SHISA6: variants seen among roughly 807,000 people sequenced by gnomAD.
SHISA6 encodes the protein protein shisa-6.
In SHISA6, 22 loss-of-function variants were observed where a neutral mutation model predicts 47.9. The ratio of observed to expected loss-of-function variants is 0.46; its 90% CI spans 0.33 to 0.66. SHISA6 has a LOEUF of 0.66. Ranked by LOEUF, SHISA6 falls within the 30% of genes least tolerant of loss-of-function variation. The pLI is 0.02. For missense variants in SHISA6, 680 were observed against 764.6 expected (o/e 0.89, Z 1.30); for synonymous variants, 388 against 337.8 (o/e 1.15, Z -1.63).
At chr17:11,505,025 C>T (rs1179129408) in intron 3 of SHISA6, among the ~76,000 whole-genome samples, 2 of 152,224 alleles carry the variant, frequency 1.3e-5, no homozygotes, top group East Asian at 3.8e-4. Flanking sequence ...ACTTCCACAT[C>T]TCTTCTTTAA....
At chr17:11,538,847 CAT>C (rs1398545053) in intron 3 of SHISA6, among the ~76,000 whole-genome samples, 5 of 152,146 alleles carry the variant, frequency 3.3e-5, no homozygotes, top group Non-Finnish European at 7.4e-5. Flanking sequence ...ACCAGGTTAT[CAT>C]AGCAATTCTG....
intron 3 of SHISA6, among the ~76,000 whole-genome samples, chr17:11,461,791 C>T (rs1173731084): frequency 5.9e-5 from 9 of 152,058 alleles, no homozygotes; most frequent in African/African-American, 1.7e-4. Context: ...AGGTGGGGAG[C>T]TGTGGGCTCT....
At chr17:11,408,740 G>A (rs62062073) in intron 3 of SHISA6, among the ~76,000 whole-genome samples, 58,326 of 152,126 alleles carry the variant, frequency 0.38, 11,456 homozygotes, top group Middle Eastern at 0.46. Flanking sequence ...ATCAAGGCAG[G>A]TGGGATGTGG....
chr17:11,241,617 C>G lies in SHISA6; in HGVS notation c.195C>G (p.Pro65=). ...GRELNGTARA[P]GIPEAGSRRG... is the part of the protein sequence containing the mutation. ...AGCTGAACGGCACCGCCCGGGCGCC[C>G]GGAATCCCGGAGGCGGGAAGCCGGC... is the stretch of plus-strand genomic sequence containing the variant. Residue 65 remains proline (P), a synonymous_variant, in exon 1 of 6, where the codon CCC becomes CCG. Coordinates refer to ENST00000441885, the MANE Select transcript of SHISA6 (RefSeq NM_207386.4). This position sits in a 1 kb window ranked among gnomAD's most constrained non-coding sequence, Gnocchi z 5.5. 7.6e-7 allele frequency: 1 copy of G among 1,320,994 alleles called. No homozygotes were observed. Among genetic ancestry groups the G allele is most frequent in the South Asian group, 2.1e-5 (1 of 46,818 alleles). 81.8% of individuals were successfully genotyped at this position (1,320,994 alleles called of 1,614,324 possible).
chr17:11,261,906 G>T (rs1263174748), intron 1 of SHISA6, among the ~76,000 whole-genome samples: 2 of 152,190 alleles, frequency 1.3e-5, no homozygotes, highest in Admixed American at 1.3e-4. Context: ...GTTTACCAAA[G>T]GGATTGCAGG....
intron 2 of SHISA6, among the ~76,000 whole-genome samples, chr17:11,356,959 T>G (rs2142225719): frequency 6.6e-6 from 1 of 151,650 alleles, no homozygotes; most frequent in Non-Finnish European, 1.5e-5. Context: ...GATCATGAGG[T>G]CAGGAGTTTG....
intron 3 of SHISA6, among the ~76,000 whole-genome samples, chr17:11,528,106 T>A (rs76206712): frequency 0.058 from 8,769 of 152,286 alleles, 286 homozygotes; most frequent in Middle Eastern, 0.099. Context: ...TGGGGGTACT[T>A]TATAACTGCC....
At chr17:11,397,927 G>T (rs1337107829) in intron 3 of SHISA6, among the ~76,000 whole-genome samples, 2 of 151,710 alleles carry the variant, frequency 1.3e-5, no homozygotes, top group Non-Finnish European at 2.9e-5. Context: ...TCCTCATTTT[G>T]TCTTTTTCTT....
chr17:11,269,815 G>A (rs1205966368), intron 2 of SHISA6, among the ~76,000 whole-genome samples: 2 of 152,194 alleles, frequency 1.3e-5, no homozygotes, highest in East Asian at 1.9e-4. Context: ...GGTCACTTAA[G>A]TGGGAGGTGA....
intron 3 of SHISA6, among the ~76,000 whole-genome samples, chr17:11,382,073 T>TAGAG (rs112046629): frequency 0.032 from 4,873 of 150,240 alleles, 241 homozygotes; most frequent in African/African-American, 0.1. Flanking sequence ...TTCCGTTTTT[T>TAGAG]AGAGAGAGAG....
At chr17:11,455,193 C>CA (rs370108497) in intron 3 of SHISA6, among the ~76,000 whole-genome samples, 19 of 147,536 alleles carry the variant, frequency 1.3e-4, no homozygotes, top group South Asian at 2.1e-4. Flanking sequence ...AACAAACAAA[C>CA]AAAAAAAACA....
chr17:11,289,671 A>G (rs991213503), intron 2 of SHISA6: 2 of 151,692 alleles, frequency 1.3e-5, no homozygotes, highest in African/African-American at 4.8e-5. Context: ...CTCAGTTTGA[A>G]TTAATTTTGG....
rs148492754 is a variant in SHISA6 at position 11,349,365 on chromosome 17, T to G, written c.800-30049T>G. Among the ~76,000 whole-genome samples the G allele has an allele frequency of 2.7e-3, 407 of 152,310 alleles. 1 individual carries two copies. The highest frequency in any genetic ancestry group is 8.8e-3 in the African/African-American group (367 of 41,582). ...CTCAGACCTCTTAGGTTAACACCCCTCTCAGATTCTATGATTTCAGAGTTG... is the reference window on the plus strand; with the variant it reads ...CTCAGACCTCTTAGGTTAACACCCCGCTCAGATTCTATGATTTCAGAGTTG... On this transcript the variant is annotated intron_variant, in intron 2 of 5. Coordinates refer to ENST00000441885, the MANE Select transcript of SHISA6 (RefSeq NM_207386.4).
intron 2 of SHISA6, among the ~76,000 whole-genome samples, chr17:11,363,550 G>A (rs1298696840): frequency 6.6e-6 from 1 of 152,164 alleles, no homozygotes; most frequent in Non-Finnish European, 1.5e-5. Flanking sequence ...TTGAGTGCAA[G>A]CATTTAAAGA....
chr17:11,491,492 G>C (rs1466613297), intron 3 of SHISA6, among the ~76,000 whole-genome samples: 3 of 151,926 alleles, frequency 2.0e-5, no homozygotes, highest in Non-Finnish European at 4.4e-5. Flanking sequence ...TGGAGACGGG[G>C]GTCTCACTAT....
intron 3 of SHISA6, among the ~76,000 whole-genome samples, chr17:11,489,797 G>A (rs1358513701): frequency 6.6e-6 from 1 of 152,158 alleles, no homozygotes; most frequent in African/African-American, 2.4e-5. Context: ...GATGATGTCA[G>A]TTTACTGGCA....
intron 3 of SHISA6, among the ~76,000 whole-genome samples, chr17:11,490,576 G>A (rs941693859): frequency 2.0e-5 from 3 of 152,082 alleles, no homozygotes; most frequent in Admixed American, 2.0e-4. Flanking sequence ...CTGCTCCAGC[G>A]GTCTCTGAGC....
At chr17:11,454,695 T>C (rs1331755020) in intron 3 of SHISA6, among the ~76,000 whole-genome samples, 1 of 152,230 alleles carries the variant, frequency 6.6e-6, no homozygotes, top group Non-Finnish European at 1.5e-5. Context: ...TGCCACTTTC[T>C]CAAAGGCCCT....
At position 11,357,594 on chromosome 17, in the gene SHISA6, A is replaced by G. The variant is rs912318823; in HGVS notation, c.800-21820A>G. Among the ~76,000 whole-genome samples the G allele has an allele frequency of 3.3e-5, 5 of 152,208 alleles. No individual in the cohort carries two copies. The East Asian group carries it at 9.6e-4, about 29-fold the overall frequency. ...CCTTTTGTTCACTTAACGTTATTTC[A>G]TGAGAATTTCCCATGGCATTAAACT... On this transcript the variant is annotated intron_variant, in intron 2 of 5. Transcript: ENST00000441885.
Sources: gnomAD v4.1 joint callset for allele counts (sites outside exome capture counted in the v4.1 genomes callset) on GRCh38, gnomAD v4.1.1 for gene constraint, Gnocchi (gnomAD v3.1) non-coding constraint, MANE v1.5 for transcripts, NCBI Gene and HGNC (gene_info 2026-07-23, HGNC 2026-07-21) for gene names.